ALPK3: variants seen among roughly 807,000 people sequenced by gnomAD.
ALPK3 encodes the protein alpha kinase 3.
ALPK3 carries 102 observed loss-of-function variants against 140.0 expected under a neutral mutation model. The observed-to-expected ratio is 0.73, with a 90% CI of 0.62 to 0.86. ALPK3 has a LOEUF of 0.86. Ranked by LOEUF, ALPK3 falls within the 40% of genes least tolerant of loss-of-function variation. The pLI is 0.00. For missense variants in ALPK3, 2,254 were observed against 2,208.2 expected, an observed-to-expected ratio of 1.02 and a Z score of -0.42; for synonymous variants, 938 against 898.5, an observed-to-expected ratio of 1.04 and a Z score of -0.79.
At position 84,827,477 on chromosome 15, in the gene ALPK3, C is replaced by T. The variant is rs776222376; in HGVS notation, c.183-7C>T. ...GCCAGCTCTGAATAGCTCTTTGCCT[C>T]TCTTAGGAGCACCTTCTGCTCCATC... On this transcript the variant is annotated splice_polypyrimidine_tract_variant and splice_region_variant and intron_variant, in intron 2 of 13. Coordinates refer to ENST00000258888, the MANE Select transcript of ALPK3 (RefSeq NM_020778.5). 6.6e-5 allele frequency: 106 copies of T among 1,614,078 alleles called. 3 individuals carry two copies. In the South Asian group the frequency reaches 1.2e-3, roughly 18 times the overall value.
chr15:84,856,120 A>G (rs1160770660), intron 5 of ALPK3, among the ~76,000 whole-genome samples: 2 of 152,132 alleles, frequency 1.3e-5, no homozygotes, highest in Non-Finnish European at 2.9e-5. Context: ...TTTCTTCAGG[A>G]AGAGGTGGAA....
rs958320200 is a variant in ALPK3, at chr15:84,821,498, G to A, written c.144-1832G>A. Among the ~76,000 whole-genome samples, 6 of 152,228 alleles carry A rather than the reference G, an allele frequency of 3.9e-5. 1 individual carries two copies. The South Asian group carries it at 1.2e-3, about 32-fold the overall frequency. Reference sequence around the variant, plus strand: ...ATGAAATTTATGGTCAGGAAAGGATGGAGTTGGCCAGTGCCTTGGAACCAT... The same window carrying A: ...ATGAAATTTATGGTCAGGAAAGGATAGAGTTGGCCAGTGCCTTGGAACCAT... On this transcript the variant is annotated intron_variant, in intron 1 of 13. Transcript: ENST00000258888.
At chr15:84,825,324 C>A (rs1381312863) in intron 2 of ALPK3, among the ~76,000 whole-genome samples, 1 of 151,910 alleles carries the variant, frequency 6.6e-6, no homozygotes, top group African/African-American at 2.4e-5. Flanking sequence ...CTACAGGCGC[C>A]TGCCACCACG....
At chr15:84,822,772 CCTG>C (rs1316300885) in intron 1 of ALPK3, among the ~76,000 whole-genome samples, 1 of 152,188 alleles carries the variant, frequency 6.6e-6, no homozygotes, top group Non-Finnish European at 1.5e-5. Flanking sequence ...CCTCCCAGCT[CCTG>C]CTGAATTAAC....
chr15:84,829,413 A>T (rs975088626), intron 3 of ALPK3, among the ~76,000 whole-genome samples: 1 of 152,256 alleles, frequency 6.6e-6, no homozygotes, highest in African/African-American at 2.4e-5. Context: ...ATTGCAAAGG[A>T]AAAAGAATAC....
chr15:84,851,652 C>T (rs1449976452), intron 5 of ALPK3, among the ~76,000 whole-genome samples: 1 of 152,134 alleles, frequency 6.6e-6, no homozygotes, highest in Non-Finnish European at 1.5e-5. Context: ...GTATTTTCCA[C>T]ACAAAGGTTG....
chr15:84,837,305 C>G (rs1482857757), intron 3 of ALPK3, among the ~76,000 whole-genome samples: 1 of 152,200 alleles, frequency 6.6e-6, no homozygotes, highest in African/African-American at 2.4e-5. Context: ...TCTGATGATG[C>G]AGGAGCGAGC....
At chr15:84,827,786 C>G (rs1373116047) in intron 3 of ALPK3, among the ~76,000 whole-genome samples, 181 bp downstream of exon 3, 1 of 152,186 alleles carries the variant, frequency 6.6e-6, no homozygotes, top group Non-Finnish European at 1.5e-5. Context: ...CCCCTTGCTT[C>G]CCCCATTCTG....
At chr15:84,859,629 C>T in intron 7 of ALPK3, 147 bp from the exon 8 acceptor site, 2 of 1,347,752 alleles carry the variant, frequency 1.5e-6, no homozygotes, top group Admixed American at 2.8e-5. Flanking sequence ...GCTTCAGGAC[C>T]AGCTCTTGGC....
At position 84,840,122 on chromosome 15, in the gene ALPK3, C is replaced by G. The variant is rs763262979; in HGVS notation, c.843C>G (p.Ala281=). The G allele has an allele frequency of 6.2e-7, 1 of 1,614,100 alleles. No homozygotes were observed. The highest frequency in any genetic ancestry group is 1.7e-5 in the Admixed American group (1 of 60,020). Residue 281 remains alanine (A), a synonymous_variant, in exon 5 of 14, where the codon GCC becomes GCG. Coordinates refer to ENST00000258888, the MANE Select transcript of ALPK3 (RefSeq NM_020778.5). ...AAGTGACCACCAACGGGGAGGCTGC[C>G]CCCGAGAATGGAGAGGACGGAGAGC... ...SGEVTTNGEA[A]PENGEDGEHG... is the part of the protein sequence containing the mutation.
chr15:84,867,620 G>C (rs1295912449), intron 13 of ALPK3, among the ~76,000 whole-genome samples: 2 of 152,194 alleles, frequency 1.3e-5, no homozygotes, highest in Admixed American at 1.3e-4. Context: ...CTCCCCTCTC[G>C]CTTGAGGATG....
At position 84,839,932 on chromosome 15, in the gene ALPK3, C is replaced by T. The variant is rs373555781; in HGVS notation, c.653C>T (p.Pro218Leu). 1.6e-4 allele frequency: 261 copies of T among 1,613,604 alleles called. 1 individual carries two copies. The highest frequency in any genetic ancestry group is 2.0e-4 in the Non-Finnish European group (239 of 1,179,858). The change falls in exon 5 of 14, where the codon CCC becomes CTC. Residue 218 changes from proline to leucine, a missense_variant. Transcript: ENST00000258888. Reference sequence around the variant, plus strand: ...GTCGACACTCTGCGCAAGCTCAGCCCCGACCGCTTCCAGCGAAAGCGGCGA... The same window carrying T: ...GTCGACACTCTGCGCAAGCTCAGCCTCGACCGCTTCCAGCGAAAGCGGCGA... ...GEVDTLRKLS[P>L]DRFQRKRRLS...
Position 84,870,219 on chromosome 15 carries a change from T to C in ALPK3, c.*1763T>C, listed in dbSNP as rs1964053200. ...CCCCTTGCCTAACATTTCCCCTCTA[T>C]GGTAACATCTCTGACTTCTCTACCT... On this transcript the variant is annotated 3_prime_UTR_variant, in exon 14 of 14. Coordinates refer to ENST00000258888, the MANE Select transcript of ALPK3 (RefSeq NM_020778.5). 6.6e-6 allele frequency: 1 copy of C among 150,982 alleles called. No homozygotes were observed. The allele number at this position is 150,982 out of a possible 1,614,324, so 9.4% of individuals were successfully genotyped here.
At chr15:84,856,207 G>A (rs1351544638) in intron 5 of ALPK3, among the ~76,000 whole-genome samples, 185 bp from the exon 6 acceptor site, 1 of 152,192 alleles carries the variant, frequency 6.6e-6, no homozygotes, top group Non-Finnish European at 1.5e-5. Context: ...GAGTGGGCAT[G>A]GATGGGGCTT....
chr15:84,845,862 C>T (rs1963724848), intron 5 of ALPK3, among the ~76,000 whole-genome samples: 1 of 152,084 alleles, frequency 6.6e-6, no homozygotes, highest in African/African-American at 2.4e-5. Flanking sequence ...AGTTCGAGAC[C>T]AGCGTGGCCA....
rs367733791 is a variant in ALPK3, at chr15:84,857,663, A to C, written c.2925A>C (p.Thr975=). The change falls in exon 6 of 14, where the codon ACA becomes ACC. Residue 975 remains threonine (T), a synonymous_variant. Coordinates refer to ENST00000258888, the MANE Select transcript of ALPK3 (RefSeq NM_020778.5). ...LLLLKLSSTE[T]SGAGGESQVG... Reference sequence around the variant, plus strand: ...TGCTGAAGCTGTCCAGCACAGAGACAAGTGGAGCAGGGGGAGAGTCCCAGG... The same window carrying C: ...TGCTGAAGCTGTCCAGCACAGAGACCAGTGGAGCAGGGGGAGAGTCCCAGG... 1 of 1,604,462 alleles carries C rather than the reference A, an allele frequency of 6.2e-7. No individual in the cohort carries two copies. Among genetic ancestry groups the C allele is most frequent in the African/African-American group, 1.3e-5 (1 of 74,792 alleles).
chr15:84,859,901 A>T lies in ALPK3; in HGVS notation c.4091A>T (p.Glu1364Val). ...SASTDFCLSPEVLSGFISREE... is the reference protein window; with the variant it reads ...SASTDFCLSPVVLSGFISREE... ...TCCACCGACTTCTGCCTCAGCCCTG[A>T]GGGTGAGTGTGCCCCGCGGCCCGGG... Residue 1364 changes from glutamate (E) to valine (V), a missense_variant and splice_region_variant, in exon 8 of 14, where the codon GAG (glutamate) becomes GTG (valine). Physicochemically the swap from Glu to Val is moderately radical, Grantham distance 121 (BLOSUM62 -2). This residue lies in a region of ALPK3 where 2,088 missense variants were observed against 2,022.9 expected (regional missense o/e 1.03). Transcript: ENST00000258888. 6.2e-7 allele frequency: 1 copy of T among 1,613,996 alleles called. No individual in the cohort carries two copies. The highest frequency in any genetic ancestry group is 8.5e-7 in the Non-Finnish European group (1 of 1,180,006).
chr15:84,856,419 C>T lies in ALPK3; in HGVS notation c.1681C>T (p.Pro561Ser), dbSNP rs200967348. 35 of 1,608,012 alleles carry T rather than the reference C, an allele frequency of 2.2e-5. No homozygotes were observed. In the East Asian group the frequency reaches 6.2e-4, roughly 29 times the overall value. The change falls in exon 6 of 14, where the codon CCT becomes TCT. Residue 561 changes from proline to serine, a missense_variant. Physicochemically the swap from Pro to Ser is moderately conservative, Grantham distance 74 (BLOSUM62 -1). This residue lies in a region of ALPK3 where 2,088 missense variants were observed against 2,022.9 expected (regional missense o/e 1.03). Transcript: ENST00000258888. The stretch of plus-strand genomic sequence containing the variant: ...CCTGGAATGCCAGACAACCACGGCT[C>T]CTACCATGTCGGCCAGCAGCAGCTC... ...EVLECQTTTAPTMSASSSSDV... is the reference protein window; with the variant it reads ...EVLECQTTTASTMSASSSSDV...
Position 84,855,267 on chromosome 15 carries a change from G to A in ALPK3, c.1654-1125G>A, listed in dbSNP as rs537363758. 2.6e-5 allele frequency among the ~76,000 whole-genome samples: 4 copies of A among 152,244 alleles called. No individual in the cohort carries two copies. The South Asian group carries it at 6.2e-4, about 24-fold the overall frequency. ...TGTCTACAGTAGCCGTGATTTTGCCGGCGTCTTGAGACCTGCTGAACAGCT... is the reference window on the plus strand; with the variant it reads ...TGTCTACAGTAGCCGTGATTTTGCCAGCGTCTTGAGACCTGCTGAACAGCT... On this transcript the variant is annotated intron_variant, in intron 5 of 13. Transcript: ENST00000258888.
Sources: gnomAD v4.1 joint callset for allele counts (sites outside exome capture counted in the v4.1 genomes callset) on GRCh38, gnomAD v4.1.1 for gene constraint, gnomAD v4.1.1 regional missense constraint, MANE v1.5 for transcripts, NCBI Gene and HGNC (gene_info 2026-07-23, HGNC 2026-07-21) for gene names.